The following COL4A2 variants were observed in gnomAD, a reference collection of about 807,000 sequenced individuals.
The protein encoded by COL4A2 is collagen alpha-2(IV) chain.
Under a neutral mutation model 200.2 loss-of-function variants are expected in COL4A2, and 99 were observed. The observed-to-expected ratio is 0.49, with a 90% CI of 0.42 to 0.58. The LOEUF (loss-of-function observed/expected upper bound fraction) is 0.58. Ranked by LOEUF, COL4A2 falls within the 20% of genes least tolerant of loss-of-function variation. COL4A2 has a pLI of 0.00. For synonymous variants in COL4A2, 897 were observed against 900.6 expected (o/e 1.00, Z 0.07); for missense variants, 1,950 against 2,314.1 (o/e 0.84, Z 3.23).
chr13:110,456,289 C>A, intron 20 of COL4A2: 1 of 206,396 alleles, frequency 4.8e-6, no homozygotes, highest in Non-Finnish European at 9.8e-6. Flanking sequence ...AACAGTTATC[C>A]TAACTCCGTG....
In COL4A2 at chr13:110,508,581, A is replaced by G. The variant is rs148196544; in HGVS notation, c.4881+360A>G. Among the ~76,000 whole-genome samples, 26 of 152,384 alleles carry G rather than the reference A, an allele frequency of 1.7e-4. No homozygotes were observed. The East Asian group carries it at 5.0e-3, about 29-fold the overall frequency. ...CTAAATATATGGGAGACTTTTCTCT[A>G]GAATCCTGATCTTATTTAGAATCTA... On this transcript the variant is annotated intron_variant, in intron 47 of 47. Coordinates refer to ENST00000360467, the MANE Select transcript of COL4A2 (RefSeq NM_001846.4). The surrounding 1 kb of genome is among the most constrained non-coding windows in gnomAD (Gnocchi z 6.1).
chr13:110,502,935 A>G, intron 41 of COL4A2, 186 bp from the exon 42 acceptor site: 1 of 597,848 alleles, frequency 1.7e-6, no homozygotes, highest in Non-Finnish European at 2.9e-6. Flanking sequence ...GCACCTAAAA[A>G]TGATTAAAAT....
intron 34 of COL4A2, among the ~76,000 whole-genome samples, chr13:110,486,295 A>C (rs571130731): frequency 1.8e-4 from 27 of 152,254 alleles, no homozygotes; most frequent in African/African-American, 6.0e-4. Flanking sequence ...TGGGCCAGAC[A>C]CGCTGTTGTG....
At chr13:110,331,293 T>G (rs754879001) in intron 3 of COL4A2, among the ~76,000 whole-genome samples, 4 of 152,244 alleles carry the variant, frequency 2.6e-5, no homozygotes, top group Non-Finnish European at 5.9e-5. Context: ...ATTTGAGAGA[T>G]AGAAAACCTA....
intron 28 of COL4A2, 45 bp from the exon 29 acceptor site, chr13:110,472,884 A>G: frequency 6.6e-7 from 1 of 1,525,474 alleles, no homozygotes; most frequent in African/African-American, 1.4e-5. Flanking sequence ...TTAGAACGTC[A>G]CCATGCTAAC....
intron 10 of COL4A2, 82 bp from the exon 11 acceptor site, chr13:110,432,243 G>A: frequency 1.3e-6 from 2 of 1,489,428 alleles, no homozygotes; most frequent in Non-Finnish European, 1.8e-6. Context: ...ACAGTCAATG[G>A]CTTTCCCAGA....
intron 3 of COL4A2, among the ~76,000 whole-genome samples, chr13:110,319,252 A>G (rs1337539960): frequency 6.6e-6 from 1 of 151,994 alleles, no homozygotes; most frequent in African/African-American, 2.4e-5. Context: ...GGTTATTTCC[A>G]TTTTCCTTAA....
intron 3 of COL4A2, among the ~76,000 whole-genome samples, chr13:110,337,986 G>C (rs1315567472): frequency 2.0e-5 from 3 of 152,132 alleles, no homozygotes; most frequent in Admixed American, 2.0e-4. Context: ...GGTTAATGAG[G>C]CCAGGGGTGT....
intron 4 of COL4A2, among the ~76,000 whole-genome samples, chr13:110,382,656 A>G (rs1878537202): frequency 6.6e-6 from 1 of 152,220 alleles, no homozygotes; most frequent in Non-Finnish European, 1.5e-5. Flanking sequence ...TGTTTCCTTA[A>G]ATTGATCCAA....
chr13:110,337,191 T>G (rs965077494), intron 3 of COL4A2, among the ~76,000 whole-genome samples: 2 of 152,230 alleles, frequency 1.3e-5, no homozygotes, highest in African/African-American at 4.8e-5. Flanking sequence ...GGCGCTCTGA[T>G]TCCGCGGTTC....
Position 110,495,327 on chromosome 13 carries a change from A to G in COL4A2, c.3635-15A>G. The G allele has an allele frequency of 1.2e-6, 2 of 1,614,128 alleles. No individual in the cohort carries two copies. The highest frequency in any genetic ancestry group is 1.7e-6 in the Non-Finnish European group (2 of 1,179,990). On this transcript the variant is annotated splice_polypyrimidine_tract_variant and intron_variant, in intron 39 of 47. Coordinates refer to ENST00000360467, the MANE Select transcript of COL4A2 (RefSeq NM_001846.4). ...GGAAACACCGACATCAGCTGCTGTT[A>G]TAACTCTTCCACAGGTTCTGACATC...
rs375421811 is a variant in COL4A2, at chr13:110,469,249, G to A, written c.2128G>A (p.Ala710Thr). The A allele has an allele frequency of 4.2e-5, 68 of 1,602,406 alleles. No homozygotes were observed. Among genetic ancestry groups the A allele is most frequent in the South Asian group, 1.2e-4 (11 of 88,268 alleles). The change falls in exon 28 of 48, where the codon GCA (alanine) becomes ACA (threonine). Residue 710 changes from alanine to threonine, a missense_variant. Physicochemically the swap from Ala to Thr is moderately conservative, Grantham distance 58. Coordinates refer to ENST00000360467, the MANE Select transcript of COL4A2 (RefSeq NM_001846.4). ...AKGLRGIPGF[A>T]GADGGPGPRG... ...AGGCCTCCGAGGAATCCCAGGCTTC[G>A]CAGGAGCTGATGGAGGACCAGGGCC...
chr13:110,438,872 A>G (rs1881016138), intron 15 of COL4A2, among the ~76,000 whole-genome samples: 1 of 143,144 alleles, frequency 7.0e-6, no homozygotes, highest in Admixed American at 7.2e-5. Context: ...CGCTGGCTAC[A>G]ATCCGTGAAC....
intron 4 of COL4A2, among the ~76,000 whole-genome samples, chr13:110,389,922 A>T (rs1878925006): frequency 6.6e-6 from 1 of 151,992 alleles, no homozygotes. Context: ...TATGACTTTT[A>T]CTCCCTTCTC....
At chr13:110,365,143 C>A (rs1877687935) in intron 4 of COL4A2, among the ~76,000 whole-genome samples, 1 of 151,936 alleles carries the variant, frequency 6.6e-6, no homozygotes, top group Non-Finnish European at 1.5e-5. Context: ...CATTTTCTCT[C>A]TTGCTTTTTT....
At chr13:110,314,849 G>A (rs923539919) in intron 3 of COL4A2, among the ~76,000 whole-genome samples, 3 of 152,236 alleles carry the variant, frequency 2.0e-5, no homozygotes, top group African/African-American at 7.2e-5. Flanking sequence ...GGACGGGCAG[G>A]TGGCAGGTGG....
At position 110,313,596 on chromosome 13, in the gene COL4A2, C is replaced by A. The variant is rs1302441761; in HGVS notation, c.99+5473C>A. 8.0e-3 allele frequency among the ~76,000 whole-genome samples: 5 copies of A among 626 alleles called. 2 individuals carry two copies. Among genetic ancestry groups the A allele is most frequent in the African/African-American group, 0.011 (5 of 450 alleles). 0.4% of individuals were successfully genotyped at this position (626 alleles called of 152,430 possible). Reference sequence around the variant, plus strand: ...GTGCCCCGTGTCCACCCGGCAGGCTCCCACCCCAGTGCCCCGTGTCCACCC... The same window carrying A: ...GTGCCCCGTGTCCACCCGGCAGGCTACCACCCCAGTGCCCCGTGTCCACCC... On this transcript the variant is annotated intron_variant, in intron 3 of 47. Transcript: ENST00000360467.
intron 22 of COL4A2, among the ~76,000 whole-genome samples, chr13:110,461,040 G>T (rs1566546855): frequency 1.3e-5 from 2 of 152,172 alleles, no homozygotes; most frequent in Non-Finnish European, 2.9e-5. Flanking sequence ...TCAAAAGCTA[G>T]CACAGCTCAC....
At chr13:110,315,802 G>T (rs1429116117) in intron 3 of COL4A2, among the ~76,000 whole-genome samples, 2 of 152,166 alleles carry the variant, frequency 1.3e-5, no homozygotes, top group African/African-American at 4.8e-5. Flanking sequence ...TGATTCATGG[G>T]TACCTTTATC....
Sources: gnomAD v4.1 joint callset for allele counts (sites outside exome capture counted in the v4.1 genomes callset) on GRCh38, gnomAD v4.1.1 for gene constraint, Gnocchi (gnomAD v3.1) non-coding constraint, MANE v1.5 for transcripts, NCBI Gene and HGNC (gene_info 2026-07-23, HGNC 2026-07-21) for gene names.